The following RABEP1 variants were observed in gnomAD, a reference collection of about 807,000 sequenced individuals.
RABEP1 encodes the protein rab GTPase-binding effector protein 1.
In RABEP1, 51 loss-of-function variants were observed where a neutral mutation model predicts 123.4. The observed-to-expected ratio is 0.41, with a 90% CI of 0.33 to 0.52. The LOEUF is 0.52. Among genes scored for constraint, RABEP1 ranks in the 20% least tolerant of loss-of-function variants. The pLI, the probability that RABEP1 is intolerant of heterozygous loss-of-function variation, is 0.16. For synonymous variants in RABEP1, 347 were observed against 355.2 expected, an observed-to-expected ratio of 0.98 and a Z score of 0.26; for missense variants, 888 against 996.3, an observed-to-expected ratio of 0.89 and a Z score of 1.46.
chr17:5,299,719 C>CTTTTCTTTT (rs2075116264), intron 1 of RABEP1, among the ~76,000 whole-genome samples: 23 of 98,854 alleles, frequency 2.3e-4, no homozygotes, highest in Admixed American at 6.2e-4. Flanking sequence ...TTTTTCTTTT[C>CTTTTCTTTT]TTTTTCTTTT....
At chr17:5,335,069 A>T (rs541217061) in intron 3 of RABEP1, 115 bp from the exon 4 acceptor site, 2 of 829,528 alleles carry the variant, frequency 2.4e-6, no homozygotes, top group East Asian at 2.7e-5. Context: ...TTAGTGAATT[A>T]AACATTTTCC....
At chr17:5,348,451 G>A (rs993227656) in intron 6 of RABEP1, among the ~76,000 whole-genome samples, 5 of 152,220 alleles carry the variant, frequency 3.3e-5, no homozygotes, top group African/African-American at 1.2e-4. Flanking sequence ...GAGGCAATGG[G>A]CAAAATGTGA....
chr17:5,312,351 C>T (rs1035422312), intron 2 of RABEP1, among the ~76,000 whole-genome samples: 3 of 152,090 alleles, frequency 2.0e-5, no homozygotes, highest in East Asian at 3.9e-4. Flanking sequence ...GGGTTTCACC[C>T]TGTTGGCCAG....
At chr17:5,360,893 C>T in intron 8 of RABEP1, 1 of 285,580 alleles carries the variant, frequency 3.5e-6, no homozygotes, top group South Asian at 4.7e-5. Flanking sequence ...TTTGAGCTAC[C>T]AGAGCATTCA....
intron 14 of RABEP1, among the ~76,000 whole-genome samples, chr17:5,377,873 A>G (rs541658512): frequency 7.2e-5 from 11 of 152,116 alleles, no homozygotes; most frequent in Admixed American, 7.2e-4. Context: ...GCAATTATTC[A>G]TAGATAGGAT....
intron 17 of RABEP1, chr17:5,381,716 ATTTTGC>A (rs1418287768): frequency 1.1e-5 from 8 of 724,942 alleles, no homozygotes; most frequent in Middle Eastern, 4.4e-4. Flanking sequence ...TGCCTTGCCA[ATTTTGC>A]CTCCTTATGA....
intron 7 of RABEP1, among the ~76,000 whole-genome samples, chr17:5,353,637 T>C (rs1040646915): frequency 1.4e-4 from 21 of 152,028 alleles, no homozygotes; most frequent in African/African-American, 5.1e-4. Context: ...CGCTTGAGCC[T>C]GGGAGTTTGA....
At chr17:5,380,274 G>T (rs1911340192) in intron 15 of RABEP1, 90 bp from the exon 16 acceptor site, 8 of 804,058 alleles carry the variant, frequency 9.9e-6, no homozygotes, top group Non-Finnish European at 1.6e-5. Flanking sequence ...GAGTGTCTTG[G>T]TGTAATTCTC....
chr17:5,308,505 C>A (rs1455290052), intron 1 of RABEP1, among the ~76,000 whole-genome samples, 189 bp from the exon 2 acceptor site: 5 of 152,170 alleles, frequency 3.3e-5, no homozygotes, highest in Non-Finnish European at 7.4e-5. Context: ...GGATTACAGG[C>A]GTGAGCCACC....
intron 8 of RABEP1, among the ~76,000 whole-genome samples, chr17:5,359,374 A>G (rs1195341559): frequency 1.3e-5 from 2 of 151,906 alleles, no homozygotes; most frequent in East Asian, 1.9e-4. Context: ...GCGCCCAGCC[A>G]GTCTGATGTT....
intron 11 of RABEP1, among the ~76,000 whole-genome samples, 189 bp downstream of exon 11, chr17:5,365,427 AAAT>A (rs1276314252): frequency 6.6e-6 from 1 of 152,182 alleles, no homozygotes; most frequent in African/African-American, 2.4e-5. Context: ...ATAACTTTCA[AAAT>A]AATTGGTCAG....
intron 1 of RABEP1, among the ~76,000 whole-genome samples, chr17:5,306,617 G>C (rs2075181886): frequency 7.5e-6 from 1 of 132,604 alleles, no homozygotes; most frequent in African/African-American, 3.2e-5. Flanking sequence ...GACAGAGTGA[G>C]ACTCTGTCTG....
intron 11 of RABEP1, among the ~76,000 whole-genome samples, chr17:5,367,478 C>T (rs1245416307): frequency 6.6e-6 from 1 of 151,782 alleles, no homozygotes; most frequent in Non-Finnish European, 1.5e-5. Flanking sequence ...ACCATCTTGG[C>T]CAGGCTGGTC....
intron 2 of RABEP1, among the ~76,000 whole-genome samples, chr17:5,321,332 A>G (rs1016035504): frequency 1.3e-5 from 2 of 152,216 alleles, no homozygotes; most frequent in Non-Finnish European, 2.9e-5. Flanking sequence ...AGTCCCAGCT[A>G]CTTGGAAGCC....
At chr17:5,292,324 ATT>A (rs988567818) in intron 1 of RABEP1, among the ~76,000 whole-genome samples, 6 of 151,930 alleles carry the variant, frequency 3.9e-5, no homozygotes, top group African/African-American at 1.5e-4. Flanking sequence ...AAATATATAT[ATT>A]GGCCATTTTT....
At chr17:5,343,293 C>T (rs1178823996) in intron 5 of RABEP1, among the ~76,000 whole-genome samples, 2 of 152,106 alleles carry the variant, frequency 1.3e-5, no homozygotes, top group African/African-American at 2.4e-5. Flanking sequence ...GTGGCTCATG[C>T]CTGTAATTCC....
At chr17:5,366,662 T>C (rs917642686) in intron 11 of RABEP1, among the ~76,000 whole-genome samples, 1 of 151,642 alleles carries the variant, frequency 6.6e-6, no homozygotes, top group Non-Finnish European at 1.5e-5. Context: ...GCCAGGCTGG[T>C]CCTGAACTCC....
intron 7 of RABEP1, among the ~76,000 whole-genome samples, chr17:5,354,002 T>C (rs1379453740): frequency 6.6e-6 from 1 of 152,178 alleles, no homozygotes; most frequent in Non-Finnish European, 1.5e-5. Flanking sequence ...AACTTTTTCA[T>C]ATTTATTTTC....
At chr17:5,373,267 A>T in intron 12 of RABEP1, 47 bp from the exon 13 acceptor site, 1 of 1,583,546 alleles carries the variant, frequency 6.3e-7, no homozygotes, top group Non-Finnish European at 8.6e-7. Context: ...CTATCACCAG[A>T]CCGGATCTAC....
Sources: gnomAD v4.1 joint callset for allele counts (sites outside exome capture counted in the v4.1 genomes callset) on GRCh38, gnomAD v4.1.1 for gene constraint, MANE v1.5 for transcripts, NCBI Gene and HGNC (gene_info 2026-07-23, HGNC 2026-07-21) for gene names.